Variants in ADGRE2 observed in about 807,000 individuals in gnomAD.
The protein encoded by ADGRE2 is CD97 antigen.
A neutral mutation model predicts 100.8 loss-of-function variants in ADGRE2; 83 were observed. That is an observed-to-expected ratio of 0.82 (90% CI 0.69 to 0.99). ADGRE2 has a LOEUF of 0.99. ADGRE2 is among the 50% of genes least tolerant of loss of function. The pLI, the probability that ADGRE2 is intolerant of heterozygous loss-of-function variation, is 0.00. For synonymous variants in ADGRE2, 355 were observed against 413.0 expected (o/e 0.86, Z 1.70); for missense variants, 814 against 1,035.7 (o/e 0.79, Z 2.94).
rs2043110162 is a variant in ADGRE2, at chr19:14,746,901, A to G, written c.2086T>C (p.Phe696Leu). The change falls in exon 17 of 21, where the codon TTC becomes CTC. Residue 696 changes from phenylalanine (F) to leucine (L), a missense_variant. Phe to Leu is a conservative substitution (Grantham distance 22, BLOSUM62 0). Coordinates refer to ENST00000315576, the MANE Select transcript of ADGRE2 (RefSeq NM_013447.4). Reference sequence around the variant, plus strand: ...GCTCAGATGATGTCACTCACAGAGAAGATGGCGCAGACAGGTCCAAGGAAG... The same window carrying G: ...GCTCAGATGATGTCACTCACAGAGAGGATGGCGCAGACAGGTCCAAGGAAG... Reference protein sequence around the residue: ...WGFLGPVCAIFSVNLVLFLVT... With the variant: ...WGFLGPVCAILSVNLVLFLVT... 1.2e-6 allele frequency: 2 copies of G among 1,613,870 alleles called. No homozygotes were observed. The highest frequency in any genetic ancestry group is 8.5e-7 in the Non-Finnish European group (1 of 1,179,902).
intron 5 of ADGRE2, among the ~76,000 whole-genome samples, chr19:14,769,310 T>C (rs898953704): frequency 1.3e-5 from 2 of 152,112 alleles, no homozygotes; most frequent in African/African-American, 4.8e-5. Flanking sequence ...GAAGTGACCC[T>C]CTGTGGAGGG....
chr19:14,775,860 G>GAAAA (rs3057586), intron 2 of ADGRE2, among the ~76,000 whole-genome samples: 3,389 of 107,818 alleles, frequency 0.031, 166 homozygotes, highest in African/African-American at 0.078. Context: ...CTCCGCCTCA[G>GAAAA]AAAAAAAAAA....
At chr19:14,765,293 C>T (rs1290494692) in intron 10 of ADGRE2, 27 bp downstream of exon 10, 4 of 1,613,498 alleles carry the variant, frequency 2.5e-6, no homozygotes, top group African/African-American at 1.3e-5. Flanking sequence ...TCCTGCCTCG[C>T]CCCCTTGCCC....
intron 18 of ADGRE2, among the ~76,000 whole-genome samples, chr19:14,744,600 G>A (rs1450409407): frequency 3.3e-5 from 5 of 151,594 alleles, no homozygotes; most frequent in Admixed American, 2.6e-4. Context: ...GATTATAGAC[G>A]CCCACCACCA....
chr19:14,756,438 A>G (rs991331085), intron 11 of ADGRE2, 93 bp from the exon 12 acceptor site: 1 of 771,374 alleles, frequency 1.3e-6, no homozygotes, highest in Non-Finnish European at 2.2e-6. Flanking sequence ...TACTATATAC[A>G]TATATAGTCT....
chr19:14,740,392 C>T (rs755976243), intron 20 of ADGRE2, among the ~76,000 whole-genome samples: 2 of 151,888 alleles, frequency 1.3e-5, no homozygotes, highest in Non-Finnish European at 1.5e-5. Context: ...GAGGCTGAGG[C>T]GGGCAGATCA....
At chr19:14,777,012 A>ACC in intron 1 of ADGRE2, 85 bp from the exon 2 acceptor site, 1 of 1,253,588 alleles carries the variant, frequency 8.0e-7, no homozygotes, top group Non-Finnish European at 1.0e-6. Flanking sequence ...ACACACACAC[A>ACC]CACGTGTACT....
At chr19:14,773,671 G>A (rs1011707895) in intron 4 of ADGRE2, among the ~76,000 whole-genome samples, 20 of 151,654 alleles carry the variant, frequency 1.3e-4, no homozygotes, top group African/African-American at 2.4e-4. Context: ...GCCACCATGC[G>A]CGGCTATTTT....
intron 20 of ADGRE2, among the ~76,000 whole-genome samples, chr19:14,740,877 T>C (rs536454188): frequency 6.6e-6 from 1 of 151,948 alleles, no homozygotes; most frequent in Admixed American, 6.6e-5. Flanking sequence ...GCTGGGATTA[T>C]AGGCATGCAC....
intron 5 of ADGRE2, among the ~76,000 whole-genome samples, chr19:14,769,216 AC>A (rs34106120): frequency 0.32 from 48,476 of 149,608 alleles, 8,062 homozygotes; most frequent in Admixed American, 0.42. Flanking sequence ...ATGGTGAGAC[AC>A]CCCCCCCCCA....
intron 20 of ADGRE2, among the ~76,000 whole-genome samples, chr19:14,740,455 C>T (rs2042894119): frequency 6.6e-6 from 1 of 151,646 alleles, no homozygotes; most frequent in South Asian, 2.1e-4. Flanking sequence ...AATCCCGTCT[C>T]TAGTAAAAAT....
At chr19:14,762,397 A>G (rs1339432756) in intron 11 of ADGRE2, among the ~76,000 whole-genome samples, 1 of 152,160 alleles carries the variant, frequency 6.6e-6, no homozygotes, top group African/African-American at 2.4e-5. Context: ...ATGGTCACAT[A>G]TTGTATGATT....
rs561706740 is a variant in ADGRE2 at position 14,755,656 on chromosome 19, G to A, written c.1414C>T (p.Arg472Cys). 81 of 1,613,758 alleles carry A rather than the reference G, an allele frequency of 5.0e-5. 1 individual carries two copies. Among genetic ancestry groups the A allele is most frequent in the South Asian group, 4.6e-4 (42 of 91,064 alleles). Residue 472 changes from arginine (R) to cysteine (C), a missense_variant and splice_region_variant, in exon 13 of 21, where the codon CGT becomes TGT. Physicochemically the swap from Arg to Cys is radical, Grantham distance 180. This residue lies in a region of ADGRE2 where 569 missense variants were observed against 692.7 expected (regional missense o/e 0.82). Transcript: ENST00000315576. Reference protein sequence around the residue: ...SSPVTFTFSHRSVIPRQKVLC... With the variant: ...SSPVTFTFSHCSVIPRQKVLC... Reference sequence around the variant, plus strand: ...CAACCAACTCCACCAGCACTCACACGGTGGGAGAAGGTGAAGGTAACTGGG... The same window carrying A: ...CAACCAACTCCACCAGCACTCACACAGTGGGAGAAGGTGAAGGTAACTGGG...
chr19:14,757,791 G>A (rs73519904), intron 11 of ADGRE2, among the ~76,000 whole-genome samples: 2,136 of 152,110 alleles, frequency 0.014, 50 homozygotes, highest in African/African-American at 0.048. Flanking sequence ...TCTTGGATGC[G>A]GTAATGAATT....
chr19:14,726,608 C>T, the ADGRE2 span, among the ~76,000 whole-genome samples: 1 of 152,200 alleles, frequency 6.6e-6, no homozygotes, highest in Non-Finnish European at 1.5e-5. Flanking sequence ...TCCTTGAACA[C>T]TTTGCTGCTT....
Position 14,755,800 on chromosome 19 carries a change from C to T in ADGRE2, c.1270G>A (p.Glu424Lys), listed in dbSNP as rs772746472. 6.2e-7 allele frequency: 1 copy of T among 1,614,218 alleles called. No individual in the cohort carries two copies. Among genetic ancestry groups the T allele is most frequent in the South Asian group, 1.1e-5 (1 of 91,084 alleles). ...GTCTCATGCAGAAGCATCTGCTTCTCAGGTTCCAGGACCAGAGGGGCCTCA... is the reference window on the plus strand; with the variant it reads ...GTCTCATGCAGAAGCATCTGCTTCTTAGGTTCCAGGACCAGAGGGGCCTCA... ...LAEAPLVLEPEKQMLLHETHQ... is the reference protein window; with the variant it reads ...LAEAPLVLEPKKQMLLHETHQ... The change falls in exon 13 of 21, where the codon GAG becomes AAG. Residue 424 changes from glutamate (E) to lysine (K), a missense_variant. Physicochemically the swap from Glu to Lys is moderately conservative, Grantham distance 56. Around this residue, in one of 5 missense-constraint regions of ADGRE2, gnomAD observed 569 missense variants for 692.7 expected, o/e 0.82. Coordinates refer to ENST00000315576, the MANE Select transcript of ADGRE2 (RefSeq NM_013447.4).
intron 20 of ADGRE2, among the ~76,000 whole-genome samples, chr19:14,740,892 A>C (rs1218598395): frequency 6.6e-6 from 1 of 151,910 alleles, no homozygotes; most frequent in Non-Finnish European, 1.5e-5. Flanking sequence ...ATGCACCACC[A>C]TGCCCAGCTA....
Position 14,756,321 on chromosome 19 carries a change from T to C in ADGRE2, c.1109A>G (p.Gln370Arg), listed in dbSNP as rs573367482. ...TCTCAAGGTGACACTCCTGTCTACTTGCTTCTGCACCTCCAGGGACAATTC... is the reference window on the plus strand; with the variant it reads ...TCTCAAGGTGACACTCCTGTCTACTCGCTTCTGCACCTCCAGGGACAATTC... ...GTELSLEVQK[Q>R]VDRSVTLRQN... Residue 370 changes from glutamine to arginine, a missense_variant, in exon 12 of 21, where the codon CAA becomes CGA. By Grantham distance (43) the Gln-to-Arg change is conservative. Around this residue, in one of 5 missense-constraint regions of ADGRE2, gnomAD observed 569 missense variants for 692.7 expected, o/e 0.82. Transcript: ENST00000315576. 14 of 1,614,074 alleles carry C rather than the reference T, an allele frequency of 8.7e-6. No individual in the cohort carries two copies. In the East Asian group the frequency reaches 3.1e-4, roughly 36 times the overall value.
Position 14,752,335 on chromosome 19 carries a change from T to A in ADGRE2, c.1782A>T (p.Gly594=). 6.2e-7 allele frequency: 1 copy of A among 1,613,972 alleles called. No homozygotes were observed. The highest frequency in any genetic ancestry group is 8.5e-7 in the Non-Finnish European group (1 of 1,179,940). ...LLFLVAIDQT[G]HKVLCSIIAG... Reference sequence around the variant, plus strand: ...GGAACACCGCTGTCAATACCTTGTGTCCGGTTTGATCAATTGCCACGAGGA... The same window carrying A: ...GGAACACCGCTGTCAATACCTTGTGACCGGTTTGATCAATTGCCACGAGGA... Residue 594 remains glycine (G), a synonymous_variant, in exon 15 of 21, where the codon GGA becomes GGT. Coordinates refer to ENST00000315576, the MANE Select transcript of ADGRE2 (RefSeq NM_013447.4).
Sources: gnomAD v4.1 joint callset for allele counts (sites outside exome capture counted in the v4.1 genomes callset) on GRCh38, gnomAD v4.1.1 for gene constraint, gnomAD v4.1.1 regional missense constraint, MANE v1.5 for transcripts, NCBI Gene and HGNC (gene_info 2026-07-23, HGNC 2026-07-21) for gene names.